Variants in ABCA12 observed in about 807,000 individuals in gnomAD.
ABCA12 encodes the protein ATP binding cassette subfamily A member 12.
In ABCA12, 156 loss-of-function variants were observed where a neutral mutation model predicts 293.5. The ratio of observed to expected loss-of-function variants is 0.53; its 90% CI spans 0.47 to 0.61. The LOEUF is 0.61. Ranked by LOEUF, ABCA12 falls within the 20% of genes least tolerant of loss-of-function variation. ABCA12 has a pLI of 0.00. For missense variants in ABCA12, 2,797 were observed against 3,090.2 expected (o/e 0.91, Z 2.25); for synonymous variants, 1,063 against 1,108.0 (o/e 0.96, Z 0.81).
intron 44 of ABCA12, 43 bp downstream of exon 44, chr2:214,953,811 G>A (rs781043158): frequency 1.2e-6 from 2 of 1,602,520 alleles, no homozygotes; most frequent in Admixed American, 3.4e-5. Flanking sequence ...GTTGAATTGA[G>A]TTCTGTTTTA....
chr2:214,976,293 T>C (rs1477634330), intron 33 of ABCA12, among the ~76,000 whole-genome samples: 1 of 152,188 alleles, frequency 6.6e-6, no homozygotes, highest in East Asian at 1.9e-4. Context: ...ATACACAAAA[T>C]AGTATTAATC....
At chr2:214,999,420 TCTGGAA>T (rs1426189072) in intron 22 of ABCA12, among the ~76,000 whole-genome samples, 55 of 152,334 alleles carry the variant, frequency 3.6e-4, no homozygotes, top group Non-Finnish European at 2.1e-4. Context: ...AGTTTTTTCA[TCTGGAA>T]AGTATGGACA....
intron 14 of ABCA12, among the ~76,000 whole-genome samples, chr2:215,017,164 C>T (rs1055673108): frequency 1.3e-5 from 2 of 152,122 alleles, no homozygotes; most frequent in African/African-American, 4.8e-5. Flanking sequence ...ACCTTAAAGG[C>T]TTTTTAGAAA....
intron 2 of ABCA12, among the ~76,000 whole-genome samples, chr2:215,078,424 T>C (rs895243932): frequency 2.0e-5 from 3 of 152,232 alleles, no homozygotes; most frequent in African/African-American, 4.8e-5. Flanking sequence ...ATGATTTTAC[T>C]GTATGGATGC....
chr2:214,944,806 G>C (rs1410972578), intron 49 of ABCA12, among the ~76,000 whole-genome samples, 195 bp downstream of exon 49: 1 of 151,834 alleles, frequency 6.6e-6, no homozygotes, highest in Non-Finnish European at 1.5e-5. Context: ...AAAATAGTTT[G>C]ATTGAACTGT....
In ABCA12 at chr2:215,079,514, C is replaced by T. The variant is rs147449030; in HGVS notation, c.164-15295G>A. On this transcript the variant is annotated intron_variant, in intron 2 of 52. Transcript: ENST00000272895. ...GATCTCCAGTTTTCAAACATCAGAA[C>T]TGGTATAAGTTTATCATTGACTGCT... Among the ~76,000 whole-genome samples the T allele has an allele frequency of 5.9e-3, 899 of 152,282 alleles. 7 individuals carry two copies. The highest frequency in any genetic ancestry group is 0.02 in the African/African-American group (818 of 41,568).
At chr2:215,086,480 C>A (rs760474643) in intron 2 of ABCA12, among the ~76,000 whole-genome samples, 2 of 152,058 alleles carry the variant, frequency 1.3e-5, no homozygotes, top group Non-Finnish European at 2.9e-5. Context: ...AGGTTTTATC[C>A]GTGAAATGAA....
chr2:215,089,314 G>A (rs575814337), intron 2 of ABCA12, among the ~76,000 whole-genome samples: 10 of 151,776 alleles, frequency 6.6e-5, no homozygotes, highest in East Asian at 1.9e-4. Context: ...ACAAAACCAC[G>A]TCAAAAGGAA....
chr2:214,978,386 A>G lies in ABCA12; in HGVS notation c.5058T>C (p.Asn1686=). The change falls in exon 33 of 53, where the codon AAT becomes AAC. Residue 1686 remains asparagine, a synonymous_variant. Coordinates refer to ENST00000272895, the MANE Select transcript of ABCA12 (RefSeq NM_173076.3). ...GAGTTGAGATGCCATTGGCATTGGA[A>G]TTCCCAATTTTCTTTTGTGTTAAGT... ...LEHLTQKKIG[N]SNANGISTPD... is the part of the protein sequence containing the mutation. The G allele has an allele frequency of 1.9e-6, 3 of 1,613,990 alleles. No homozygotes were observed. Among genetic ancestry groups the G allele is most frequent in the Non-Finnish European group, 2.5e-6 (3 of 1,179,930 alleles).
intron 2 of ABCA12, among the ~76,000 whole-genome samples, chr2:215,096,804 G>C (rs1028421029): frequency 6.6e-6 from 1 of 151,956 alleles, no homozygotes; most frequent in Non-Finnish European, 1.5e-5. Context: ...TTATTGCCAT[G>C]GGTCATTCTT....
rs575937312 is a variant in ABCA12 at position 214,938,100 on chromosome 2, C to T, written c.7437-485G>A. Among the ~76,000 whole-genome samples the T allele has an allele frequency of 7.3e-5, 11 of 151,216 alleles. No individual in the cohort carries two copies. The South Asian group carries it at 1.7e-3, about 23-fold the overall frequency. ...AGGTATTTCTCCTAATGCTATCCCT[C>T]CCCTAGCCCCCCACCCCCCAACAGA... On this transcript the variant is annotated intron_variant, in intron 50 of 52. Transcript: ENST00000272895.
intron 3 of ABCA12, among the ~76,000 whole-genome samples, chr2:215,055,337 G>T (rs1701399216): frequency 1.3e-5 from 2 of 152,092 alleles, no homozygotes; most frequent in East Asian, 1.9e-4. Context: ...AGAAGACATT[G>T]CTGGGCCTTC....
rs1393235055 is a variant in ABCA12, at chr2:214,983,721, C to T, written c.4308G>A (p.Lys1436=). 2 of 1,613,912 alleles carry T rather than the reference C, an allele frequency of 1.2e-6. No homozygotes were observed. The highest frequency in any genetic ancestry group is 2.7e-5 in the African/African-American group (2 of 74,884). ...TGGAACCATATAGGAGAAGGTGCTCCTTAGTAGTGAGGTAACTGAACAAGA... is the reference window on the plus strand; with the variant it reads ...TGGAACCATATAGGAGAAGGTGCTCTTTAGTAGTGAGGTAACTGAACAAGA... ...HDVLFSYLTT[K]EHLLLYGSIK... is the part of the protein sequence containing the mutation. The change falls in exon 29 of 53, where the codon AAG becomes AAA. Residue 1436 remains lysine (K), a synonymous_variant. Transcript: ENST00000272895.
chr2:215,138,198 A>C lies in ABCA12; in HGVS notation c.11T>G (p.Leu4Arg). MAS[L>R]FHQLQILVWK... ...GACCAGGATCTGAAGCTGATGAAAC[A>C]GGGAAGCCATCCTTCAAATGCCCCA... Residue 4 changes from leucine (L) to arginine (R), a missense_variant, in exon 1 of 53, where the codon CTG (leucine) becomes CGG (arginine). This residue lies in a region of ABCA12 where 11 missense variants were observed against 25.0 expected (regional missense o/e 0.44). Coordinates refer to ENST00000272895, the MANE Select transcript of ABCA12 (RefSeq NM_173076.3). 1 of 1,614,116 alleles carries C rather than the reference A, an allele frequency of 6.2e-7. No individual in the cohort carries two copies. The highest frequency in any genetic ancestry group is 2.2e-5 in the East Asian group (1 of 44,872).
At chr2:214,948,569 T>C in intron 47 of ABCA12, 27 bp downstream of exon 47, 1 of 1,612,798 alleles carries the variant, frequency 6.2e-7, no homozygotes, top group Non-Finnish European at 8.5e-7. Context: ...GGTTTCAAAT[T>C]AAGTAATTTT....
chr2:215,055,219 GGAA>G (rs1354306211), intron 3 of ABCA12, among the ~76,000 whole-genome samples: 3 of 151,952 alleles, frequency 2.0e-5, no homozygotes, highest in Non-Finnish European at 2.9e-5. Context: ...AAGTATAAAA[GGAA>G]TAACATTAAA....
intron 39 of ABCA12, among the ~76,000 whole-genome samples, chr2:214,963,729 T>C (rs891913675): frequency 6.7e-6 from 1 of 149,324 alleles, no homozygotes; most frequent in Non-Finnish European, 1.5e-5. Context: ...GCCTGCCCGG[T>C]AGAGACATGG....
intron 11 of ABCA12, among the ~76,000 whole-genome samples, chr2:215,020,074 C>G (rs1700593844): frequency 6.6e-6 from 1 of 151,734 alleles, no homozygotes; most frequent in Non-Finnish European, 1.5e-5. Flanking sequence ...TTTTATCCAG[C>G]TTAACTCACA....
At chr2:215,103,462 G>T (rs1433657699) in intron 2 of ABCA12, among the ~76,000 whole-genome samples, 2 of 151,658 alleles carry the variant, frequency 1.3e-5, no homozygotes, top group African/African-American at 4.8e-5. Context: ...TAGAGACAGG[G>T]TTTCACCATG....
Sources: gnomAD v4.1 joint callset for allele counts (sites outside exome capture counted in the v4.1 genomes callset) on GRCh38, gnomAD v4.1.1 for gene constraint, gnomAD v4.1.1 regional missense constraint, MANE v1.5 for transcripts, NCBI Gene and HGNC (gene_info 2026-07-23, HGNC 2026-07-21) for gene names.